PRSS37: variants seen among roughly 807,000 people sequenced by gnomAD.
PRSS37 encodes serine protease 37.
Under a neutral mutation model 28.0 loss-of-function variants are expected in PRSS37, and 25 were observed. The observed-to-expected ratio is 0.89, with a 90% CI of 0.65 to 1.25. PRSS37 has a LOEUF of 1.25. Among genes scored for constraint, PRSS37 ranks in the 50% most tolerant of loss-of-function variants. The pLI is 0.00. For synonymous variants in PRSS37, 109 were observed against 107.8 expected (o/e 1.01, Z -0.07); for missense variants, 282 against 292.2 (o/e 0.97, Z 0.25).
At chr7:141,837,634 C>G in intron 3 of PRSS37, 1 of 1,519,328 alleles carries the variant, frequency 6.6e-7, no homozygotes, top group South Asian at 1.2e-5. Context: ...GGCCTGGTGG[C>G]TCCAGCTGCC....
Position 141,838,002 on chromosome 7 carries a change from T to C in PRSS37, c.288A>G (p.Pro96=). 1 of 1,614,118 alleles carries C rather than the reference T, an allele frequency of 6.2e-7. No homozygotes were observed. Among genetic ancestry groups the C allele is most frequent in the Non-Finnish European group, 8.5e-7 (1 of 1,180,024 alleles). The part of the protein sequence containing the change: ...VRYWNYSHSA[P]QDDLMLIKLA... ...GCTTGATGAGCATGAGGTCATCCTG[T>C]GGGGCGCTATGACTGTAGTTCCAGT... The change falls in exon 3 of 5, where the codon CCA becomes CCG. Residue 96 remains proline, a synonymous_variant. Coordinates refer to ENST00000350549, the MANE Select transcript of PRSS37 (RefSeq NM_001008270.3).
At position 141,841,212 on chromosome 7, in the gene PRSS37, A is replaced by T; in HGVS notation, c.-163T>A. The T allele has an allele frequency of 6.9e-7, 1 of 1,447,762 alleles. No homozygotes were observed. The highest frequency in any genetic ancestry group is 9.2e-7 in the Non-Finnish European group (1 of 1,090,466). 89.7% of individuals were successfully genotyped at this position (1,447,762 alleles called of 1,614,324 possible). ...AAGCAGCTCTGGGCATAAACAGGGG[A>T]GGGAGATGGCTTCAGAGAGACAGAT... is the stretch of plus-strand genomic sequence containing the variant. On this transcript the variant is annotated 5_prime_UTR_variant, in exon 1 of 5. Transcript: ENST00000350549.
Position 141,839,338 on chromosome 7 carries a change from G to A in PRSS37, c.176C>T (p.Pro59Leu), listed in dbSNP as rs139899492. Residue 59 changes from proline (P) to leucine (L), a missense_variant and splice_region_variant, in exon 2 of 5, where the codon CCA becomes CTA. Transcript: ENST00000350549. The stretch of plus-strand genomic sequence containing the variant: ...GGATGGGGATGCCCAAATACTCAAC[G>A]GTAAATAGCAGTGAGCTGGGGCCAG... Reference protein sequence around the residue: ...WVLAPAHCYLPNLKVMLGNFK... With the variant: ...WVLAPAHCYLLNLKVMLGNFK... The A allele has an allele frequency of 4.0e-5, 65 of 1,613,474 alleles. No individual in the cohort carries two copies. In the East Asian group the frequency reaches 1.0e-3, roughly 25 times the overall value.
intron 2 of PRSS37, chr7:141,838,897 T>A: frequency 2.3e-6 from 1 of 431,142 alleles, no homozygotes. Context: ...CCCTTTAATG[T>A]CTCCATACCT....
chr7:141,837,783 C>T, intron 3 of PRSS37, 77 bp downstream of exon 3: 2 of 1,568,930 alleles, frequency 1.3e-6, no homozygotes, highest in Admixed American at 1.7e-5. Context: ...CTCCTCTCTC[C>T]TCACAGCTAT....
chr7:141,836,480 C>A lies in PRSS37; in HGVS notation c.623G>T (p.Gly208Val). 1 of 1,609,556 alleles carries A rather than the reference C, an allele frequency of 6.2e-7. No homozygotes were observed. The highest frequency in any genetic ancestry group is 8.5e-7 in the Non-Finnish European group (1 of 1,178,110). The change falls in exon 5 of 5, where the codon GGG becomes GTG. Residue 208 changes from glycine (G) to valine (V), a missense_variant. Transcript: ENST00000350549. ...CKDKLQGIEV[G>V]HFMGGDVGIY... ...GCCGACGTCCCCTCCCATGAAGTGC[C>A]CCACCTCGATTCCCTGGAGCTTGTC...
chr7:141,840,895 T>C, intron 1 of PRSS37, 121 bp downstream of exon 1: 1 of 982,756 alleles, frequency 1.0e-6, no homozygotes, highest in East Asian at 2.5e-5. Context: ...GCAGGACTCC[T>C]AATTCTGCTG....
intron 2 of PRSS37, chr7:141,838,941 T>C (rs73171695): frequency 0.16 from 73,265 of 458,162 alleles, 6,267 homozygotes; most frequent in East Asian, 0.24. Flanking sequence ...CTCACCTCAA[T>C]TGACCCAATT....
At chr7:141,840,283 G>A (rs995583761) in intron 1 of PRSS37, among the ~76,000 whole-genome samples, 5 of 152,228 alleles carry the variant, frequency 3.3e-5, no homozygotes, top group Non-Finnish European at 7.4e-5. Flanking sequence ...ATAAAGGGGA[G>A]GAAGGCTGAT....
Position 141,838,046 on chromosome 7 carries a change from G to A in PRSS37, c.244C>T (p.Pro82Ser). ...VRDGTEQTIN[P>S]IQIVRYWNYS... ...TTCCAGTAGCGGACGATCTGAATGGGGTTAATTGTCTGTTCAGTACCGTCT... is the reference window on the plus strand; with the variant it reads ...TTCCAGTAGCGGACGATCTGAATGGAGTTAATTGTCTGTTCAGTACCGTCT... The change falls in exon 3 of 5, where the codon CCC becomes TCC. Residue 82 changes from proline to serine, a missense_variant. Coordinates refer to ENST00000350549, the MANE Select transcript of PRSS37 (RefSeq NM_001008270.3). 1 of 1,614,084 alleles carries A rather than the reference G, an allele frequency of 6.2e-7. No homozygotes were observed. Among genetic ancestry groups the A allele is most frequent in the Non-Finnish European group, 8.5e-7 (1 of 1,180,006 alleles).
intron 2 of PRSS37, chr7:141,838,416 C>T: frequency 8.1e-7 from 1 of 1,241,182 alleles, no homozygotes; most frequent in Non-Finnish European, 1.0e-6. Context: ...ATGTAATTTT[C>T]TCGCCTATCT....
At chr7:141,838,916 G>T in intron 2 of PRSS37, 3 of 448,046 alleles carry the variant, frequency 6.7e-6, no homozygotes, top group South Asian at 3.2e-5. Flanking sequence ...CTTTGCAATT[G>T]GTTCCTTCTT....
In PRSS37 at chr7:141,837,935, T is replaced by G. The variant is rs12669721; in HGVS notation, c.355A>C (p.Thr119Pro). 789,327 of 1,613,592 alleles carry G rather than the reference T, an allele frequency of 0.49. 195,751 individuals carry two copies. Among genetic ancestry groups the G allele is most frequent in the East Asian group, 0.77 (34,705 of 44,844 alleles). The change falls in exon 3 of 5, where the codon ACC becomes CCC. Residue 119 changes from threonine to proline, a missense_variant. Thr to Pro is a conservative substitution (Grantham distance 38). Coordinates refer to ENST00000350549, the MANE Select transcript of PRSS37 (RefSeq NM_001008270.3). ...AMLNPKVQPL[T>P]LATTNVRPGT... The stretch of plus-strand genomic sequence containing the variant: ...GGCCTGACATTGGTGGTGGCGAGGG[T>G]AAGGGGCTGGACTTTGGGATTGAGC...
chr7:141,840,178 A>G (rs1469736434), intron 1 of PRSS37, among the ~76,000 whole-genome samples: 2 of 152,248 alleles, frequency 1.3e-5, no homozygotes, highest in Non-Finnish European at 2.9e-5. Context: ...GGGATTATGA[A>G]TGATGCTTAT....
chr7:141,839,012 T>TAAA (rs36029840), intron 2 of PRSS37: 6 of 462,136 alleles, frequency 1.3e-5, no homozygotes, highest in Admixed American at 2.5e-5. Context: ...ATACTGCCAG[T>TAAA]AAAAAAAAAA....
intron 3 of PRSS37, chr7:141,837,588 A>C (rs58694015): frequency 4.0e-6 from 6 of 1,507,022 alleles, no homozygotes; most frequent in Middle Eastern, 1.7e-4. Context: ...TGTCTCTGCC[A>C]ATCAGGAATG....
chr7:141,839,478 C>T lies in PRSS37; in HGVS notation c.36G>A (p.Gly12=), dbSNP rs929859666. The T allele has an allele frequency of 1.2e-6, 2 of 1,609,714 alleles. No individual in the cohort carries two copies. The highest frequency in any genetic ancestry group is 1.7e-6 in the Non-Finnish European group (2 of 1,176,936). ...KYVFYLGVLA[G]TFFFADSSVQ... ...CAGATGAGTCAGCAAAGAAAAATGT[C>T]CCTGAGAAAATAATGAACATTCTTA... The change falls in exon 2 of 5, where the codon GGG becomes GGA. Residue 12 remains glycine, a splice_region_variant and synonymous_variant. Transcript: ENST00000350549.
Position 141,839,370 on chromosome 7 carries a change from G to A in PRSS37, c.144C>T (p.Ser48=), listed in dbSNP as rs2117270613. 6.2e-7 allele frequency: 1 copy of A among 1,613,908 alleles called. No individual in the cohort carries two copies. Among genetic ancestry groups the A allele is most frequent in the Non-Finnish European group, 8.5e-7 (1 of 1,179,822 alleles). Residue 48 remains serine (S), a synonymous_variant, in exon 2 of 5, where the codon AGC becomes AGT. Transcript: ENST00000350549. ...NPCVGVLIKP[S]WVLAPAHCYL... ...AGCAGTGAGCTGGGGCCAGCACCCA[G>A]CTGGGTTTGATGAGGACGCCCACAC...
intron 3 of PRSS37, 122 bp from the exon 4 acceptor site, chr7:141,837,370 G>C: frequency 3.2e-6 from 4 of 1,236,632 alleles, no homozygotes; most frequent in Non-Finnish European, 3.3e-6. Context: ...TAAGGAATGC[G>C]ACAAAGGAGA....
Sources: allele counts gnomAD v4.1 joint callset (sites outside exome capture counted in the v4.1 genomes callset), GRCh38; gene constraint gnomAD v4.1.1; transcripts MANE v1.5; gene names NCBI Gene and HGNC (gene_info 2026-07-23, HGNC 2026-07-21).